The following ZMAT4 variants were observed in gnomAD, a reference collection of about 807,000 sequenced individuals.
ZMAT4 encodes the protein zinc finger matrin-type 4.
In ZMAT4, 17 loss-of-function variants were observed where a neutral mutation model predicts 28.7. The observed-to-expected ratio is 0.59, with a 90% CI of 0.41 to 0.89. The LOEUF is 0.89. ZMAT4 is among the 40% of genes least tolerant of loss of function. The pLI, the probability that ZMAT4 is intolerant of heterozygous loss-of-function variation, is 0.00. For synonymous variants in ZMAT4, 117 were observed against 109.2 expected (o/e 1.07, Z -0.44); for missense variants, 240 against 283.8 (o/e 0.85, Z 1.11).
At chr8:40,882,740 T>C (rs1185552573) in intron 1 of ZMAT4, among the ~76,000 whole-genome samples, 1 of 152,206 alleles carries the variant, frequency 6.6e-6, no homozygotes, top group Non-Finnish European at 1.5e-5. Context: ...ACCAGGTGTT[T>C]CAGAGCTGGG....
chr8:40,711,303 A>G (rs968598168), intron 3 of ZMAT4, among the ~76,000 whole-genome samples: 3 of 152,226 alleles, frequency 2.0e-5, no homozygotes, highest in African/African-American at 7.2e-5. Context: ...AATCAATGAA[A>G]AAAATAGAAG....
intron 2 of ZMAT4, among the ~76,000 whole-genome samples, chr8:40,788,323 G>A (rs549134992): frequency 2.8e-4 from 43 of 152,304 alleles, no homozygotes; most frequent in African/African-American, 9.6e-4. Flanking sequence ...GGTGGCTCAC[G>A]CCTGTAATCC....
chr8:40,544,190 T>C, intron 6 of ZMAT4, among the ~76,000 whole-genome samples: 1 of 152,154 alleles, frequency 6.6e-6, no homozygotes, highest in East Asian at 1.9e-4. Flanking sequence ...GCCATCTGGC[T>C]TTTTTGTGCT....
chr8:40,748,234 A>ATTTTTGAAT (rs1812318805), intron 3 of ZMAT4, among the ~76,000 whole-genome samples: 5 of 152,216 alleles, frequency 3.3e-5, no homozygotes, highest in Admixed American at 2.6e-4. Flanking sequence ...GATGAATTAT[A>ATTTTTGAAT]CGTGATTACA....
At chr8:40,855,318 C>CTTT (rs1404555393) in intron 1 of ZMAT4, among the ~76,000 whole-genome samples, 1 of 152,122 alleles carries the variant, frequency 6.6e-6, no homozygotes, top group Admixed American at 6.5e-5. Context: ...TGGTTATGGG[C>CTTT]TTTTCTGCTG....
intron 1 of ZMAT4, among the ~76,000 whole-genome samples, chr8:40,831,041 A>G (rs1816262597): frequency 6.6e-6 from 1 of 152,176 alleles, no homozygotes; most frequent in African/African-American, 2.4e-5. Flanking sequence ...CGTTATTCTT[A>G]TTTTCAAAGG....
intron 5 of ZMAT4, among the ~76,000 whole-genome samples, chr8:40,597,460 G>T (rs539593316): frequency 6.6e-6 from 1 of 152,166 alleles, no homozygotes; most frequent in Non-Finnish European, 1.5e-5. Flanking sequence ...GATCTGTGTG[G>T]GGGTCGCCCT....
chr8:40,892,966 A>G (rs1818746865), intron 1 of ZMAT4, among the ~76,000 whole-genome samples: 1 of 152,226 alleles, frequency 6.6e-6, no homozygotes, highest in Non-Finnish European at 1.5e-5. Flanking sequence ...CCTAAAGATC[A>G]TCACAGAGGC....
At chr8:40,767,920 G>A (rs1813230668) in intron 2 of ZMAT4, among the ~76,000 whole-genome samples, 190 bp from the exon 3 acceptor site, 1 of 152,230 alleles carries the variant, frequency 6.6e-6, no homozygotes, top group Admixed American at 6.5e-5. Flanking sequence ...TAAAGCCAAT[G>A]TAATTTCAGG....
At chr8:40,808,885 A>G (rs973335043) in intron 2 of ZMAT4, among the ~76,000 whole-genome samples, 1 of 151,678 alleles carries the variant, frequency 6.6e-6, no homozygotes, top group Non-Finnish European at 1.5e-5. Flanking sequence ...AACTCTTTCT[A>G]TGTTGAGACA....
intron 6 of ZMAT4, among the ~76,000 whole-genome samples, chr8:40,536,755 G>A (rs922955946): frequency 2.1e-4 from 32 of 152,020 alleles, no homozygotes; most frequent in Non-Finnish European, 3.5e-4. Flanking sequence ...AAATGTATTT[G>A]GAATATTTTG....
intron 2 of ZMAT4, among the ~76,000 whole-genome samples, chr8:40,814,585 T>C (rs1331929470): frequency 2.6e-5 from 4 of 152,210 alleles, no homozygotes; most frequent in African/African-American, 4.8e-5. Flanking sequence ...TTACAAGTTA[T>C]GATACAATCA....
intron 5 of ZMAT4, among the ~76,000 whole-genome samples, chr8:40,657,701 A>C (rs1261322250): frequency 6.6e-6 from 1 of 152,186 alleles, no homozygotes; most frequent in African/African-American, 2.4e-5. Flanking sequence ...CAATGTATAA[A>C]GAAATGATTT....
chr8:40,723,468 C>T (rs1250562436), intron 3 of ZMAT4, among the ~76,000 whole-genome samples: 1 of 129,738 alleles, frequency 7.7e-6, no homozygotes, highest in Non-Finnish European at 1.5e-5. Context: ...GCTTAAACCC[C>T]AGAAACAGAG....
intron 2 of ZMAT4, among the ~76,000 whole-genome samples, chr8:40,784,828 A>T (rs2150574478): frequency 6.6e-6 from 1 of 152,326 alleles, no homozygotes; most frequent in Non-Finnish European, 1.5e-5. Context: ...CCATCCCAGG[A>T]TGTGACGATA....
At chr8:40,749,623 G>A (rs986627364) in intron 3 of ZMAT4, among the ~76,000 whole-genome samples, 3 of 152,186 alleles carry the variant, frequency 2.0e-5, no homozygotes, top group Non-Finnish European at 4.4e-5. Context: ...CAGGCTTTGA[G>A]GGGAAGAATT....
chr8:40,578,239 C>T (rs1804333491), intron 6 of ZMAT4, among the ~76,000 whole-genome samples: 1 of 151,878 alleles, frequency 6.6e-6, no homozygotes, highest in African/African-American at 2.4e-5. Context: ...TGTAAATCAC[C>T]TGATTTACAA....
chr8:40,843,520 C>T (rs1054308715), intron 1 of ZMAT4, among the ~76,000 whole-genome samples: 2 of 152,224 alleles, frequency 1.3e-5, no homozygotes, highest in Admixed American at 6.5e-5. Flanking sequence ...AGAGTGGACA[C>T]TTCCTCTTCC....
chr8:40,836,337 A>T (rs183000141), intron 1 of ZMAT4, among the ~76,000 whole-genome samples: 259 of 152,348 alleles, frequency 1.7e-3, no homozygotes, highest in African/African-American at 5.0e-3. Flanking sequence ...ATACATTTTC[A>T]CAGGAGGATA....
Sources: allele counts gnomAD v4.1 joint callset (sites outside exome capture counted in the v4.1 genomes callset), GRCh38; gene constraint gnomAD v4.1.1; transcripts MANE v1.5; gene names NCBI Gene and HGNC (gene_info 2026-07-23, HGNC 2026-07-21).